TMPRSS11E: variants seen among roughly 807,000 people sequenced by gnomAD.
TMPRSS11E encodes the protein transmembrane protease serine 11E.
TMPRSS11E carries 38 observed loss-of-function variants against 48.1 expected under a neutral mutation model. The ratio of observed to expected loss-of-function variants is 0.79; its 90% CI spans 0.61 to 1.04. TMPRSS11E has a LOEUF of 1.04. TMPRSS11E is among the 50% of genes least tolerant of loss of function. The pLI, the probability that TMPRSS11E is intolerant of heterozygous loss-of-function variation, is 0.00. For missense variants in TMPRSS11E, 530 were observed against 510.8 expected (o/e 1.04, Z -0.36); for synonymous variants, 158 against 171.9 (o/e 0.92, Z 0.63).
At chr4:68,492,715 G>A (rs888742435) in intron 9 of TMPRSS11E, among the ~76,000 whole-genome samples, 1 of 152,156 alleles carries the variant, frequency 6.6e-6, no homozygotes, top group African/African-American at 2.4e-5. Context: ...TATGTCTTGA[G>A]CAGTTGACAA....
chr4:68,483,249 G>A (rs1243125702), intron 9 of TMPRSS11E, among the ~76,000 whole-genome samples: 1 of 18,002 alleles, frequency 5.6e-5, no homozygotes, highest in Non-Finnish European at 1.2e-4. Flanking sequence ...AAGCAGGAGC[G>A]AGAGAGAGAG....
At position 68,477,246 on chromosome 4, in the gene TMPRSS11E, T is replaced by TTC. The variant is rs918354424; in HGVS notation, c.708-121_708-120dup. ...AGCCTTATTATCAAATTGGAAAGAG[T>TTC]TCTATACATCAAAACTATAAAAAGA... On this transcript the variant is annotated intron_variant, in intron 7 of 9. Transcript: ENST00000305363. 6.5e-5 allele frequency: 63 copies of TTC among 974,260 alleles called. No homozygotes were observed. In the African/African-American group the frequency reaches 1.0e-3, roughly 16 times the overall value. The allele number at this position is 974,260 out of a possible 1,614,324, so 60.4% of individuals were successfully genotyped here.
intron 9 of TMPRSS11E, among the ~76,000 whole-genome samples, chr4:68,490,751 C>CTTTTTTTTTTT (rs1158277585): frequency 4.3e-5 from 3 of 69,328 alleles, no homozygotes; most frequent in Admixed American, 2.3e-4. Context: ...TCAGCATATT[C>CTTTTTTTTTTT]TTTTTTTTTT....
chr4:68,451,121 T>C (rs1405012386), intron 1 of TMPRSS11E, among the ~76,000 whole-genome samples: 2 of 151,840 alleles, frequency 1.3e-5, no homozygotes, highest in Non-Finnish European at 2.9e-5. Context: ...AAGAGGTAGA[T>C]TGAACAGTCG....
At chr4:68,482,749 GT>G (rs1037912005) in intron 9 of TMPRSS11E, among the ~76,000 whole-genome samples, 65 of 152,104 alleles carry the variant, frequency 4.3e-4, no homozygotes, top group African/African-American at 1.5e-3. Context: ...TCCAGCTTGG[GT>G]GACACAGAAA....
chr4:68,483,358 C>G (rs972819838), intron 9 of TMPRSS11E, among the ~76,000 whole-genome samples: 3 of 152,162 alleles, frequency 2.0e-5, no homozygotes, highest in Non-Finnish European at 2.9e-5. Flanking sequence ...GATCCGTTAC[C>G]CAAACAACTC....
intron 1 of TMPRSS11E, among the ~76,000 whole-genome samples, chr4:68,453,516 T>G (rs1444684478): frequency 6.6e-6 from 1 of 152,098 alleles, no homozygotes; most frequent in Non-Finnish European, 1.5e-5. Context: ...ATTATAATTA[T>G]TAATTGTATC....
At chr4:68,482,114 G>T (rs1389415506) in intron 9 of TMPRSS11E, among the ~76,000 whole-genome samples, 1 of 152,144 alleles carries the variant, frequency 6.6e-6, no homozygotes, top group Admixed American at 6.5e-5. Context: ...AAGGTGAAGT[G>T]TGAAATGGGA....
intron 1 of TMPRSS11E, among the ~76,000 whole-genome samples, chr4:68,453,014 C>T (rs1322939553): frequency 6.6e-6 from 1 of 151,726 alleles, no homozygotes; most frequent in East Asian, 1.9e-4. Flanking sequence ...TAATGCAGAC[C>T]CTTGATGTTT....
In TMPRSS11E at chr4:68,451,994, T is replaced by C. The variant is rs539746017; in HGVS notation, c.11+4471T>C. On this transcript the variant is annotated intron_variant, in intron 1 of 9. Coordinates refer to ENST00000305363, the MANE Select transcript of TMPRSS11E (RefSeq NM_014058.4). ...TCTTAAAAGGTGAAAAATTTACATT[T>C]TCAAGAAACATTGTTATGGATGATC... is the stretch of plus-strand genomic sequence containing the variant. 4.6e-5 allele frequency among the ~76,000 whole-genome samples: 7 copies of C among 152,040 alleles called. No individual in the cohort carries two copies. In the South Asian group the frequency reaches 1.4e-3, roughly 31 times the overall value.
Position 68,447,537 on chromosome 4 carries a change from CT to C in TMPRSS11E, c.11+19del. On this transcript the variant is annotated intron_variant, in intron 1 of 9. Transcript: ENST00000305363. ...AATGATGTATCGGTGAGTTAGTTCC[CT>C]TTTTCTTTCTAGAAGTCTTAAGGTA... 6.2e-7 allele frequency: 1 copy of C among 1,606,052 alleles called. No homozygotes were observed. Among genetic ancestry groups the C allele is most frequent in the Non-Finnish European group, 8.5e-7 (1 of 1,175,536 alleles).
At position 68,447,477 on chromosome 4, in the gene TMPRSS11E, C is replaced by T; in HGVS notation, c.-36C>T. 6.2e-7 allele frequency: 1 copy of T among 1,605,460 alleles called. No individual in the cohort carries two copies. The highest frequency in any genetic ancestry group is 1.1e-5 in the South Asian group (1 of 89,770). On this transcript the variant is annotated 5_prime_UTR_variant, in exon 1 of 10. Coordinates refer to ENST00000305363, the MANE Select transcript of TMPRSS11E (RefSeq NM_014058.4). ...TGGATTCACACACTTGGATGTAGACCTCGACCTTCACAGGACTCTTCATTG... is the reference window on the plus strand; with the variant it reads ...TGGATTCACACACTTGGATGTAGACTTCGACCTTCACAGGACTCTTCATTG...
chr4:68,476,204 G>T, intron 6 of TMPRSS11E, 57 bp from the exon 7 acceptor site: 1 of 1,608,804 alleles, frequency 6.2e-7, no homozygotes, highest in Admixed American at 1.7e-5. Flanking sequence ...AATTTGATGT[G>T]CAAAACAACT....
intron 9 of TMPRSS11E, among the ~76,000 whole-genome samples, chr4:68,485,868 G>C (rs1729538474): frequency 1.3e-5 from 2 of 151,840 alleles, no homozygotes; most frequent in Admixed American, 6.6e-5. Context: ...TTTCTTCCTG[G>C]TTCAATATTG....
intron 3 of TMPRSS11E, among the ~76,000 whole-genome samples, chr4:68,467,066 T>C (rs1728947217): frequency 6.6e-6 from 1 of 152,006 alleles, no homozygotes; most frequent in Non-Finnish European, 1.5e-5. Flanking sequence ...TAAAATATAT[T>C]TGTTGTATCC....
intron 1 of TMPRSS11E, among the ~76,000 whole-genome samples, chr4:68,455,077 C>A (rs774581407): frequency 6.6e-6 from 1 of 151,898 alleles, no homozygotes; most frequent in Non-Finnish European, 1.5e-5. Flanking sequence ...CTTCTCAATA[C>A]AAGTAGTAAA....
intron 1 of TMPRSS11E, 70 bp downstream of exon 1, chr4:68,447,593 C>A: frequency 7.9e-7 from 1 of 1,260,598 alleles, no homozygotes; most frequent in Non-Finnish European, 1.1e-6. Flanking sequence ...ATGAGCCACA[C>A]CAAGGAATGT....
At chr4:68,466,007 G>A (rs1372499280) in intron 2 of TMPRSS11E, among the ~76,000 whole-genome samples, 2 of 152,116 alleles carry the variant, frequency 1.3e-5, no homozygotes, top group Non-Finnish European at 2.9e-5. Flanking sequence ...CAACCCCTGT[G>A]GTTGGTGGGA....
chr4:68,496,181 A>G (rs1327492133), intron 9 of TMPRSS11E, among the ~76,000 whole-genome samples: 1 of 152,160 alleles, frequency 6.6e-6, no homozygotes, highest in Non-Finnish European at 1.5e-5. Context: ...CAGCATGGAA[A>G]GGCCAAACTT....
Sources: allele counts gnomAD v4.1 joint callset (sites outside exome capture counted in the v4.1 genomes callset), GRCh38; gene constraint gnomAD v4.1.1; transcripts MANE v1.5; gene names NCBI Gene and HGNC (gene_info 2026-07-23, HGNC 2026-07-21).